CYTH3: variants seen among roughly 807,000 people sequenced by gnomAD.
CYTH3 encodes cytohesin-3.
Under a neutral mutation model 55.1 loss-of-function variants are expected in CYTH3, and 23 were observed. That is an observed-to-expected ratio of 0.42 (90% CI 0.30 to 0.59). The LOEUF (loss-of-function observed/expected upper bound fraction) is 0.59. Ranked by LOEUF, CYTH3 falls within the 20% of genes least tolerant of loss-of-function variation. The probability of loss-of-function intolerance (pLI) is 0.20; values close to 1 mark genes in which losing one functional copy is unlikely to be tolerated. For synonymous variants in CYTH3, 249 were observed against 194.9 expected (o/e 1.28, Z -2.31); for missense variants, 413 against 524.8 (o/e 0.79, Z 2.08).
chr7:6,173,030 C>A, intron 6 of CYTH3: 1 of 1,076,984 alleles, frequency 9.3e-7, no homozygotes, highest in South Asian at 2.2e-5. Context: ...TGAGGCGACT[C>A]CCACCAGAAG....
intron 1 of CYTH3, among the ~76,000 whole-genome samples, chr7:6,207,769 G>C (rs35587861): frequency 0.011 from 1,628 of 152,248 alleles, 15 homozygotes; most frequent in Non-Finnish European, 0.018. Context: ...GGGCAACATG[G>C]TGAAACTCCA....
Position 6,186,594 on chromosome 7 carries a change from G to T in CYTH3, c.249+456C>A, listed in dbSNP as rs545628928. 8.4e-4 allele frequency among the ~76,000 whole-genome samples: 128 copies of T among 152,316 alleles called. 1 individual carries two copies. The highest frequency in any genetic ancestry group is 2.9e-3 in the African/African-American group (122 of 41,576). On this transcript the variant is annotated intron_variant, in intron 4 of 12. Coordinates refer to ENST00000350796, the MANE Select transcript of CYTH3 (RefSeq NM_004227.4). ...TTTTTAAGGTGAATGGAGGAATAAA[G>T]TCCTCTTATGTGAACCACTTAACCC...
chr7:6,243,252 C>T (rs1283283707), intron 1 of CYTH3, among the ~76,000 whole-genome samples: 5 of 152,198 alleles, frequency 3.3e-5, no homozygotes, highest in East Asian at 1.9e-4. Flanking sequence ...AAGAGCCCAG[C>T]GGGCTGGGCC....
chr7:6,182,657 C>T (rs1016872096), intron 4 of CYTH3, among the ~76,000 whole-genome samples: 5 of 152,178 alleles, frequency 3.3e-5, no homozygotes, highest in Admixed American at 2.6e-4. Context: ...CAGGTGCATA[C>T]CACCATGCCT....
chr7:6,172,738 G>A, intron 6 of CYTH3: 1 of 1,226,968 alleles, frequency 8.2e-7, no homozygotes, highest in Non-Finnish European at 1.0e-6. Flanking sequence ...CACCAGGCCT[G>A]CACCCTTCTC....
chr7:6,184,790 C>T (rs1232146285), intron 4 of CYTH3, among the ~76,000 whole-genome samples: 3 of 152,142 alleles, frequency 2.0e-5, no homozygotes, highest in Non-Finnish European at 4.4e-5. Flanking sequence ...GTTGGCCAGG[C>T]TGGTCTCAAA....
intron 1 of CYTH3, among the ~76,000 whole-genome samples, chr7:6,197,276 T>C (rs1406034198): frequency 6.6e-6 from 1 of 152,122 alleles, no homozygotes; most frequent in Non-Finnish European, 1.5e-5. Context: ...TTTTGTACAG[T>C]GGGACAAAGA....
chr7:6,201,696 A>C (rs1215373820), intron 1 of CYTH3, among the ~76,000 whole-genome samples: 1 of 152,246 alleles, frequency 6.6e-6, no homozygotes, highest in Non-Finnish European at 1.5e-5. Context: ...AATGCTCAAC[A>C]ACAACAGCAT....
At chr7:6,173,501 A>G in intron 6 of CYTH3, 152 bp downstream of exon 6, 1 of 645,214 alleles carries the variant, frequency 1.5e-6, no homozygotes. Context: ...AGTGTCACAC[A>G]GCATTAGCTG....
chr7:6,256,598 GA>G (rs1228086064), intron 1 of CYTH3, among the ~76,000 whole-genome samples: 1 of 152,188 alleles, frequency 6.6e-6, no homozygotes, highest in Non-Finnish European at 1.5e-5. Context: ...TCCTGAGAAG[GA>G]AAAAGTGGGG....
intron 9 of CYTH3, among the ~76,000 whole-genome samples, chr7:6,166,735 G>A (rs960701753): frequency 4.6e-5 from 7 of 152,254 alleles, no homozygotes; most frequent in African/African-American, 7.2e-5. Flanking sequence ...ACTGGAGGCC[G>A]GAAGCGGGTC....
intron 1 of CYTH3, among the ~76,000 whole-genome samples, chr7:6,258,065 G>A (rs934710682): frequency 1.3e-5 from 2 of 152,188 alleles, no homozygotes; most frequent in Non-Finnish European, 2.9e-5. Context: ...CTTGAGGCCA[G>A]GAGTTTAGGA....
At chr7:6,196,453 T>C (rs1041778093) in intron 1 of CYTH3, among the ~76,000 whole-genome samples, 3 of 140,444 alleles carry the variant, frequency 2.1e-5, no homozygotes, top group Admixed American at 1.4e-4. Context: ...TTTTTCTTTT[T>C]TTCTTTTTTT....
At chr7:6,172,834 G>A (rs1253205683) in intron 6 of CYTH3, 6 of 1,281,228 alleles carry the variant, frequency 4.7e-6, no homozygotes, top group Non-Finnish European at 6.1e-6. Flanking sequence ...TCAGCGCACT[G>A]TTCAGCCCCA....
chr7:6,236,666 C>A (rs1779532482), intron 1 of CYTH3, among the ~76,000 whole-genome samples: 1 of 151,714 alleles, frequency 6.6e-6, no homozygotes, highest in South Asian at 2.1e-4. Flanking sequence ...TCAAGCAATT[C>A]TCCTCCTGCC....
At chr7:6,245,499 G>A (rs1471426105) in intron 1 of CYTH3, among the ~76,000 whole-genome samples, 2 of 152,158 alleles carry the variant, frequency 1.3e-5, no homozygotes, top group Non-Finnish European at 2.9e-5. Context: ...GCACCCTAGA[G>A]AGAATGTGTC....
chr7:6,183,126 T>A, intron 4 of CYTH3, among the ~76,000 whole-genome samples: 1 of 152,186 alleles, frequency 6.6e-6, no homozygotes, highest in East Asian at 1.9e-4. Context: ...CCCTCTTGCT[T>A]TTCCCACCTG....
At chr7:6,256,961 G>A (rs1193257496) in intron 1 of CYTH3, among the ~76,000 whole-genome samples, 1 of 152,156 alleles carries the variant, frequency 6.6e-6, no homozygotes, top group African/African-American at 2.4e-5. Flanking sequence ...TTTCTTTTGT[G>A]AAAACTGAAA....
intron 1 of CYTH3, among the ~76,000 whole-genome samples, chr7:6,202,492 C>A (rs941532778): frequency 1.5e-5 from 2 of 129,386 alleles, no homozygotes; most frequent in African/African-American, 3.0e-5. Context: ...GACAGGGTTT[C>A]GCTCTTGTTG....
Sources: gnomAD v4.1 joint callset for allele counts (sites outside exome capture counted in the v4.1 genomes callset) on GRCh38, gnomAD v4.1.1 for gene constraint, MANE v1.5 for transcripts, NCBI Gene and HGNC (gene_info 2026-07-23, HGNC 2026-07-21) for gene names.